H2BC12: variants seen among roughly 807,000 people sequenced by gnomAD.
H2BC12 encodes histone H2B type 1-K.
In H2BC12, 6 loss-of-function variants were observed where a neutral mutation model predicts 6.3. The observed-to-expected ratio is 0.95, with a 90% confidence interval of 0.52 to 1.87. The LOEUF (loss-of-function observed/expected upper bound fraction) is 1.87, where lower values mean the gene tolerates loss of function less well. Ranked by LOEUF, H2BC12 falls within the 40% of genes most tolerant of loss-of-function variation. The pLI is 0.01. For synonymous variants in H2BC12, 132 were observed against 78.5 expected (o/e 1.68, Z -3.60); for missense variants, 119 against 178.4 (o/e 0.67, Z 1.90).
At chr6:27,142,499 G>T (rs1015290254), downstream of H2BC12, among the ~76,000 whole-genome samples, 2 of 151,862 alleles carry the variant, frequency 1.3e-5, no homozygotes, top group Admixed American at 6.6e-5. Context: ...CCTGACCTCA[G>T]GTCATCCGCC....
the H2BC12 span, chr6:27,139,573 T>C: frequency 6.2e-7 from 1 of 1,613,972 alleles, no homozygotes; most frequent in East Asian, 2.2e-5. Flanking sequence ...GGACGTGGTC[T>C]ACGCGCTCAA....
At chr6:27,143,846 TAAAAAAAA>T (rs34292040), downstream of H2BC12, among the ~76,000 whole-genome samples, 3 of 113,628 alleles carry the variant, frequency 2.6e-5, no homozygotes, top group Non-Finnish European at 5.3e-5. Context: ...AACTACTCTT[TAAAAAAAA>T]AAAAAAAAAA....
At chr6:27,145,618 T>A (rs1344895254), downstream of H2BC12, among the ~76,000 whole-genome samples, 1 of 152,232 alleles carries the variant, frequency 6.6e-6, no homozygotes, top group African/African-American at 2.4e-5. Flanking sequence ...CTCTAGTCTG[T>A]CTGTTGTCTC....
chr6:27,146,631 G>A lies in H2BC12; in HGVS notation c.168C>T (p.Ser56=), dbSNP rs200807929. The A allele has an allele frequency of 2.2e-5, 36 of 1,614,240 alleles. No homozygotes were observed. Among genetic ancestry groups the A allele is most frequent in the African/African-American group, 4.0e-5 (3 of 75,058 alleles). Residue 56 remains serine (S), a synonymous_variant, in exon 1 of 1, where the codon TCC becomes TCT. Coordinates refer to ENST00000356950, the MANE Select transcript of H2BC12 (RefSeq NM_001312653.2). ...LKQVHPDTGI[S]SKAMGIMNSF... ...AGTTCATGATTCCCATGGCCTTAGA[G>A]GAGATGCCGGTGTCGGGGTGGACCT...
At chr6:27,145,916 G>A (rs1163362558), downstream of H2BC12, among the ~76,000 whole-genome samples, 1 of 152,170 alleles carries the variant, frequency 6.6e-6, no homozygotes, top group Non-Finnish European at 1.5e-5. Flanking sequence ...AGGCAGAGCT[G>A]GGTACAGCCT....
chr6:27,141,329 T>A, the H2BC12 span, among the ~76,000 whole-genome samples: 2 of 152,148 alleles, frequency 1.3e-5, no homozygotes, highest in East Asian at 3.8e-4. Flanking sequence ...ACATGGATTA[T>A]CTCGTATCTC....
the H2BC12 span, chr6:27,139,919 G>A: frequency 2.5e-6 from 1 of 393,906 alleles, no homozygotes; most frequent in Non-Finnish European, 4.7e-6. Context: ...AAGCCAAGGG[G>A]TCTGCGGTCC....
At chr6:27,145,592 C>A (rs1021786566), downstream of H2BC12, among the ~76,000 whole-genome samples, 1 of 152,194 alleles carries the variant, frequency 6.6e-6, no homozygotes, top group African/African-American at 2.4e-5. Context: ...CAACTTCTTG[C>A]TTCGGGGCGG....
the H2BC12 span, among the ~76,000 whole-genome samples, chr6:27,141,256 G>T: frequency 6.6e-6 from 1 of 151,174 alleles, no homozygotes; most frequent in African/African-American, 2.4e-5. Context: ...CAAAAGAAAG[G>T]GTGAAAGAGG....
At chr6:27,143,579 C>A (rs1394342005), downstream of H2BC12, among the ~76,000 whole-genome samples, 3 of 150,732 alleles carry the variant, frequency 2.0e-5, no homozygotes, top group Admixed American at 6.7e-5. Flanking sequence ...TTCTTAGGTC[C>A]ACTGACCTCT....
the H2BC12 span, chr6:27,139,349 G>C: frequency 6.2e-7 from 1 of 1,613,832 alleles, no homozygotes; most frequent in Non-Finnish European, 8.5e-7. Flanking sequence ...CTGGGGAAAG[G>C]GGGTGCCAAG....
the H2BC12 span, among the ~76,000 whole-genome samples, chr6:27,140,523 T>C: frequency 6.6e-6 from 1 of 152,190 alleles, no homozygotes; most frequent in Non-Finnish European, 1.5e-5. Flanking sequence ...TGTTGATTTT[T>C]TTTCCTCATT....
At chr6:27,146,241 C>T (rs1014795872), downstream of H2BC12, among the ~76,000 whole-genome samples, 3 of 152,190 alleles carry the variant, frequency 2.0e-5, no homozygotes, top group Non-Finnish European at 4.4e-5. Context: ...TAGCCAGACT[C>T]GATTACAAGC....
At chr6:27,143,846 T>TAAAAAAAAAAAAAA (rs34292040), downstream of H2BC12, among the ~76,000 whole-genome samples, 3 of 113,628 alleles carry the variant, frequency 2.6e-5, no homozygotes, top group African/African-American at 3.5e-5. Context: ...AACTACTCTT[T>TAAAAAAAAAAAAAA]AAAAAAAAAA....
chr6:27,143,328 G>A (rs763631891), downstream of H2BC12, among the ~76,000 whole-genome samples: 9 of 151,810 alleles, frequency 5.9e-5, no homozygotes, highest in Non-Finnish European at 1.3e-4. Context: ...CTCCAGCCTT[G>A]GCGACAGAGT....
At chr6:27,139,388 T>TC in the H2BC12 span, 1 of 1,614,156 alleles carries the variant, frequency 6.2e-7, no homozygotes, top group Non-Finnish European at 8.5e-7. Context: ...CGCGACAACA[T>TC]CCAGGGTATC....
At chr6:27,146,270 T>C (rs1049806267), downstream of H2BC12, 13 of 1,320,510 alleles carry the variant, frequency 9.8e-6, no homozygotes, top group Non-Finnish European at 1.3e-5. Context: ...CATTACTCAG[T>C]GTGATAAGAT....
downstream of H2BC12, among the ~76,000 whole-genome samples, chr6:27,145,333 CACACAA>C (rs1487607500): frequency 6.8e-6 from 1 of 147,384 alleles, no homozygotes; most frequent in Non-Finnish European, 1.5e-5. Flanking sequence ...CACACACACA[CACACAA>C]AATTCCCCTG....
At chr6:27,144,300 A>G (rs963689828), downstream of H2BC12, among the ~76,000 whole-genome samples, 1 of 151,936 alleles carries the variant, frequency 6.6e-6, no homozygotes, top group African/African-American at 2.4e-5. Flanking sequence ...CATCTCTACT[A>G]AAAATACAAA....
Sources: gnomAD v4.1 joint callset for allele counts (sites outside exome capture counted in the v4.1 genomes callset) on GRCh38, gnomAD v4.1.1 for gene constraint, MANE v1.5 for transcripts, NCBI Gene and HGNC (gene_info 2026-07-23, HGNC 2026-07-21) for gene names.